The following IL31RA variants were observed in gnomAD, a reference collection of about 807,000 sequenced individuals.
IL31RA encodes interleukin-31 receptor subunit alpha.
Under a neutral mutation model 83.7 loss-of-function variants are expected in IL31RA, and 66 were observed. The ratio of observed to expected loss-of-function variants is 0.79; its 90% CI spans 0.65 to 0.97. The LOEUF (loss-of-function observed/expected upper bound fraction) is 0.97. IL31RA is among the 50% of genes least tolerant of loss of function. The pLI, the probability that IL31RA is intolerant of heterozygous loss-of-function variation, is 0.00. For missense variants in IL31RA, 798 were observed against 919.4 expected (o/e 0.87, Z 1.71); for synonymous variants, 325 against 329.0 (o/e 0.99, Z 0.13).
At chr5:55,908,732 G>A in intron 11 of IL31RA, 1 of 1,448,156 alleles carries the variant, frequency 6.9e-7, no homozygotes, top group South Asian at 1.5e-5. Context: ...GGCGTGCCTG[G>A]CTTAAAGAGT....
intron 1 of IL31RA, among the ~76,000 whole-genome samples, chr5:55,852,677 T>G (rs1745133961): frequency 6.6e-6 from 1 of 152,196 alleles, no homozygotes; most frequent in South Asian, 2.1e-4. Flanking sequence ...GTCTATTTAT[T>G]TCTCGTGGTT....
At chr5:55,860,673 C>G (rs1283663452) in intron 2 of IL31RA, among the ~76,000 whole-genome samples, 1 of 152,290 alleles carries the variant, frequency 6.6e-6, no homozygotes, top group Non-Finnish European at 1.5e-5. Flanking sequence ...GGCCTGATAT[C>G]CATACAATAG....
chr5:55,853,470 C>T, intron 1 of IL31RA: 3 of 1,546,246 alleles, frequency 1.9e-6, no homozygotes, highest in South Asian at 1.2e-5. Flanking sequence ...CCAGATTGTT[C>T]TTCCTGTCCT....
chr5:55,908,118 C>G, intron 10 of IL31RA, 147 bp from the exon 11 acceptor site: 1 of 1,112,922 alleles, frequency 9.0e-7, no homozygotes, highest in Non-Finnish European at 1.3e-6. Context: ...TTTTCCCAAA[C>G]AAGCTGATTC....
intron 6 of IL31RA, among the ~76,000 whole-genome samples, chr5:55,895,815 T>C (rs778387067): frequency 6.6e-6 from 1 of 152,208 alleles, no homozygotes; most frequent in Non-Finnish European, 1.5e-5. Flanking sequence ...CTTTTTTATT[T>C]TGGGAAAACC....
chr5:55,899,015 C>T (rs1470285682), intron 7 of IL31RA, among the ~76,000 whole-genome samples: 2 of 152,170 alleles, frequency 1.3e-5, no homozygotes, highest in East Asian at 3.9e-4. Flanking sequence ...CAGAGAGAGA[C>T]TCTGTCTCAA....
chr5:55,868,941 G>T lies in IL31RA; in HGVS notation c.272+33G>T, dbSNP rs528370754. 94 of 1,154,328 alleles carry T rather than the reference G, an allele frequency of 8.1e-5. 1 individual carries two copies. In the South Asian group the frequency reaches 9.3e-4, roughly 11 times the overall value. 71.5% of individuals were successfully genotyped at this position (1,154,328 alleles called of 1,614,324 possible). ...CAGGAGCTTGTGTTTTATCAGTCAG[G>T]GCATGGGGGAGGCAGAGGCTTCTGA... is the stretch of plus-strand genomic sequence containing the variant. On this transcript the variant is annotated intron_variant, in intron 3 of 14. Transcript: ENST00000652347.
intron 12 of IL31RA, 67 bp downstream of exon 12, chr5:55,910,739 A>T (rs1369136178): frequency 1.1e-5 from 17 of 1,576,184 alleles, no homozygotes; most frequent in Non-Finnish European, 1.4e-5. Context: ...GAGAAATGAC[A>T]TCTGCCAAAA....
At chr5:55,906,440 G>C (rs1386791921) in intron 9 of IL31RA, 152 bp downstream of exon 9, 1 of 795,398 alleles carries the variant, frequency 1.3e-6, no homozygotes, top group Non-Finnish European at 2.1e-6. Flanking sequence ...CACGCTTCTT[G>C]GTATTTCCAA....
chr5:55,900,350 C>G (rs1469024155), intron 8 of IL31RA, among the ~76,000 whole-genome samples: 1 of 152,184 alleles, frequency 6.6e-6, no homozygotes, highest in African/African-American at 2.4e-5. Flanking sequence ...AAATCAGAGA[C>G]TTTATAAATT....
At chr5:55,848,692 A>G (rs1352724067), upstream of IL31RA, among the ~76,000 whole-genome samples, 1 of 152,216 alleles carries the variant, frequency 6.6e-6, no homozygotes, top group Non-Finnish European at 1.5e-5. Flanking sequence ...TAAAAGTGGA[A>G]TTCCCGGATT....
intron 8 of IL31RA, among the ~76,000 whole-genome samples, chr5:55,905,200 CAAAAAA>C (rs34211603): frequency 1.4e-5 from 1 of 72,584 alleles, no homozygotes. Context: ...GACTCTGCCT[CAAAAAA>C]AAAAAAAAAA....
chr5:55,867,125 GTGTGTGTGTGCA>G lies in IL31RA; in HGVS notation c.155-1646_155-1635del, dbSNP rs1445589617. On this transcript the variant is annotated intron_variant, in intron 2 of 14. Transcript: ENST00000652347. ...TGTGTGTGTGTGCATGTGTGTGTTTGTGTGTGTGTGCATGTGTGTGTGCATGTGTGTTTGTGT... is the reference window on the plus strand; with the variant it reads ...TGTGTGTGTGTGCATGTGTGTGTTTGTGTGTGTGTGCATGTGTGTTTGTGT... 6.3e-4 allele frequency among the ~76,000 whole-genome samples: 72 copies of G among 114,842 alleles called. 3 individuals are homozygous for G. Among genetic ancestry groups the G allele is most frequent in the South Asian group, 2.5e-3 (8 of 3,156 alleles). 75.3% of individuals were successfully genotyped at this position (114,842 alleles called of 152,430 possible).
At chr5:55,904,695 T>C (rs1333956831) in intron 8 of IL31RA, among the ~76,000 whole-genome samples, 10 of 152,184 alleles carry the variant, frequency 6.6e-5, no homozygotes, top group Non-Finnish European at 2.9e-5. Flanking sequence ...CAACTGTGGC[T>C]TACAAGAACA....
In IL31RA at chr5:55,883,176, C is replaced by T. The variant is rs951045783; in HGVS notation, c.587C>T (p.Thr196Ile). Reference protein sequence around the residue: ...SDLKYTLRFRTVNSTSWMEVN... With the variant: ...SDLKYTLRFRIVNSTSWMEVN... Reference sequence around the variant, plus strand: ...TTAAAATACACACTTCGATTCAGGACAGTCAACAGTACCAGCTGGGTAAGT... The same window carrying T: ...TTAAAATACACACTTCGATTCAGGATAGTCAACAGTACCAGCTGGGTAAGT... The change falls in exon 5 of 15, where the codon ACA becomes ATA. Residue 196 changes from threonine (T) to isoleucine (I), a missense_variant. Thr to Ile is a moderately conservative substitution (Grantham distance 89). Coordinates refer to ENST00000652347, the MANE Select transcript of IL31RA (RefSeq NM_139017.7). 4 of 1,613,474 alleles carry T rather than the reference C, an allele frequency of 2.5e-6. No homozygotes were observed. Among genetic ancestry groups the T allele is most frequent in the Admixed American group, 3.3e-5 (2 of 59,934 alleles).
chr5:55,862,601 G>T (rs1234142969), intron 2 of IL31RA, among the ~76,000 whole-genome samples: 1 of 152,136 alleles, frequency 6.6e-6, no homozygotes, highest in Non-Finnish European at 1.5e-5. Context: ...TAGAGATGGG[G>T]TTTCACCATG....
At chr5:55,896,486 C>T in intron 7 of IL31RA, 57 bp downstream of exon 7, 2 of 916,498 alleles carry the variant, frequency 2.2e-6, no homozygotes, top group East Asian at 2.6e-5. Flanking sequence ...TCCTTTCCCT[C>T]CCTTCCCTCC....
intron 11 of IL31RA, chr5:55,909,028 C>A: frequency 2.7e-6 from 1 of 364,598 alleles, no homozygotes; most frequent in Non-Finnish European, 3.9e-6. Context: ...GCCCTATACC[C>A]ATTCATTAGT....
chr5:55,859,447 G>A, intron 1 of IL31RA, 62 bp from the exon 2 acceptor site: 1 of 1,192,092 alleles, frequency 8.4e-7, no homozygotes. Context: ...ATTTGCCATT[G>A]GAAATAGAGC....
Sources: gnomAD v4.1 joint callset for allele counts (sites outside exome capture counted in the v4.1 genomes callset) on GRCh38, gnomAD v4.1.1 for gene constraint, MANE v1.5 for transcripts, NCBI Gene and HGNC (gene_info 2026-07-23, HGNC 2026-07-21) for gene names.